PEAK1: variants seen among roughly 807,000 people sequenced by gnomAD.
PEAK1 encodes the protein inactive tyrosine-protein kinase PEAK1.
In PEAK1, 54 loss-of-function variants were observed where a neutral mutation model predicts 124.7. That is an observed-to-expected ratio of 0.43 (90% CI 0.35 to 0.54). The LOEUF (loss-of-function observed/expected upper bound fraction) is 0.54. PEAK1 is among the 20% of genes least tolerant of loss of function. The pLI is 0.01. For synonymous variants in PEAK1, 719 were observed against 760.0 expected, an observed-to-expected ratio of 0.95 and a Z score of 0.89; for missense variants, 2,046 against 2,134.5, an observed-to-expected ratio of 0.96 and a Z score of 0.82.
rs768139781 is a variant in PEAK1 at position 77,115,022 on chromosome 15, C to T, written c.4375G>A (p.Val1459Ile). The part of the protein sequence containing the change: ...GVMSKKQRSH[V>I]VVITREVPCL... ...GGAACCTCCCTGGTGATGACCACAA[C>T]GTGGCTCCTCTGCTTCTTGCTCATG... The change falls in exon 10 of 10, where the codon GTT becomes ATT. Residue 1459 changes from valine (V) to isoleucine (I), a missense_variant. Coordinates refer to ENST00000682557, the MANE Select transcript of PEAK1 (RefSeq NM_001385026.1). 4.3e-6 allele frequency: 7 copies of T among 1,614,152 alleles called. No individual in the cohort carries two copies. Among genetic ancestry groups the T allele is most frequent in the East Asian group, 4.5e-5 (2 of 44,858 alleles).
intron 2 of PEAK1, chr15:77,335,570 C>T (rs985592102): frequency 1.1e-6 from 1 of 899,510 alleles, no homozygotes. Flanking sequence ...GCCATGAAGT[C>T]TGGGCTTAAG....
chr15:77,275,180 G>A (rs2062244794), intron 5 of PEAK1, among the ~76,000 whole-genome samples: 2 of 152,132 alleles, frequency 1.3e-5, no homozygotes, highest in East Asian at 1.9e-4. Flanking sequence ...ATAAGAGGGA[G>A]GTGAGGGATA....
intron 1 of PEAK1, chr15:77,418,349 T>C: frequency 1.0e-6 from 1 of 985,320 alleles, no homozygotes; most frequent in African/African-American, 1.7e-5. Flanking sequence ...TTTGACATTT[T>C]TTCCCACATA....
intron 1 of PEAK1, among the ~76,000 whole-genome samples, chr15:77,388,934 T>G (rs956454052): frequency 6.6e-6 from 1 of 152,036 alleles, no homozygotes; most frequent in Admixed American, 6.6e-5. Context: ...CATACCTTCT[T>G]TCTGCCTGTC....
At chr15:77,167,462 A>G (rs1460205093) in intron 7 of PEAK1, among the ~76,000 whole-genome samples, 1 of 152,242 alleles carries the variant, frequency 6.6e-6, no homozygotes, top group Non-Finnish European at 1.5e-5. Flanking sequence ...GATTATTTAA[A>G]AATTTAACAG....
intron 1 of PEAK1, among the ~76,000 whole-genome samples, chr15:77,397,996 C>A (rs950103712): frequency 6.6e-6 from 1 of 152,064 alleles, no homozygotes; most frequent in African/African-American, 2.4e-5. Context: ...ACCCAGGAGG[C>A]GGAGGTTGCG....
At chr15:77,350,610 TAA>T (rs35739571) in intron 2 of PEAK1, 3,923 of 872,022 alleles carry the variant, frequency 4.5e-3, no homozygotes, top group Non-Finnish European at 4.8e-3. Flanking sequence ...GAGATTCAAG[TAA>T]AAAAAAAAAA....
At chr15:77,167,953 G>A (rs539744328) in intron 7 of PEAK1, among the ~76,000 whole-genome samples, 2 of 151,836 alleles carry the variant, frequency 1.3e-5, no homozygotes, top group Middle Eastern at 3.4e-3. Context: ...TGTTCTCATT[G>A]TTCAATTCCC....
intron 6 of PEAK1, among the ~76,000 whole-genome samples, chr15:77,228,457 T>C (rs962814550): frequency 6.6e-6 from 1 of 152,154 alleles, no homozygotes; most frequent in Non-Finnish European, 1.5e-5. Context: ...CTTCATTTAA[T>C]AAAGTTTGAC....
intron 1 of PEAK1, chr15:77,417,652 A>C: frequency 1.0e-6 from 1 of 985,434 alleles, no homozygotes. Flanking sequence ...CCCATCCAAC[A>C]AAAGGGTATG....
At chr15:77,208,538 C>T (rs1013701971) in intron 6 of PEAK1, among the ~76,000 whole-genome samples, 5 of 152,072 alleles carry the variant, frequency 3.3e-5, no homozygotes, top group African/African-American at 7.2e-5. Flanking sequence ...CCTCTTAGGG[C>T]GAATATTATG....
chr15:77,350,308 A>C (rs2067130464), intron 2 of PEAK1: 1 of 985,330 alleles, frequency 1.0e-6, no homozygotes. Context: ...TTGGGTGGGA[A>C]TCCAGCACTC....
In PEAK1 at chr15:77,114,443, C is replaced by G; in HGVS notation, c.4954G>C (p.Glu1652Gln). Residue 1652 changes from glutamate to glutamine, a missense_variant, in exon 10 of 10, where the codon GAG (glutamate) becomes CAG (glutamine). Coordinates refer to ENST00000682557, the MANE Select transcript of PEAK1 (RefSeq NM_001385026.1). ...TTGGCGTCTGAAATGAGGATCCGCTCAGAAGGGTTGGGATTCAGGAGGCAG... is the reference window on the plus strand; with the variant it reads ...TTGGCGTCTGAAATGAGGATCCGCTGAGAAGGGTTGGGATTCAGGAGGCAG... ...ASCLLNPNPS[E>Q]RILISDAKGI... The G allele has an allele frequency of 6.2e-7, 1 of 1,614,026 alleles. No individual in the cohort carries two copies. Among genetic ancestry groups the G allele is most frequent in the Non-Finnish European group, 8.5e-7 (1 of 1,180,008 alleles).
At chr15:77,417,151 A>C in intron 1 of PEAK1, 1 of 175,448 alleles carries the variant, frequency 5.7e-6, no homozygotes, top group Non-Finnish European at 1.1e-5. Flanking sequence ...ATCCATAGGA[A>C]TGTGTGCATG....
chr15:77,363,788 T>C (rs939169343), intron 2 of PEAK1, among the ~76,000 whole-genome samples: 2 of 152,100 alleles, frequency 1.3e-5, no homozygotes, highest in African/African-American at 4.8e-5. Flanking sequence ...AAGAAATTAG[T>C]CACAGAAGAC....
chr15:77,383,449 G>A lies in PEAK1; in HGVS notation c.-665-18224C>T, dbSNP rs537640584. On this transcript the variant is annotated intron_variant, in intron 1 of 9. Transcript: ENST00000682557. ...TCCACGTTCCTTTTTGATCTTTTTA[G>A]GTAGGATAACTGTTAAAGGATACAT... 1.2e-4 allele frequency among the ~76,000 whole-genome samples: 19 copies of A among 152,252 alleles called. 1 individual carries two copies. The highest frequency in any genetic ancestry group is 4.3e-4 in the African/African-American group (18 of 41,536).
intron 7 of PEAK1, among the ~76,000 whole-genome samples, chr15:77,162,883 G>C (rs993586511): frequency 6.6e-6 from 1 of 152,132 alleles, no homozygotes; most frequent in Non-Finnish European, 1.5e-5. Context: ...ATGTTAGCAC[G>C]TCTTAAAATG....
chr15:77,145,214 C>T (rs551123642), intron 8 of PEAK1, among the ~76,000 whole-genome samples: 9 of 152,130 alleles, frequency 5.9e-5, no homozygotes, highest in African/African-American at 1.4e-4. Flanking sequence ...TTCGGGAGGC[C>T]GAGGTGGGTG....
intron 9 of PEAK1, among the ~76,000 whole-genome samples, chr15:77,122,917 G>A (rs1003546878): frequency 6.6e-6 from 1 of 152,134 alleles, no homozygotes; most frequent in African/African-American, 2.4e-5. Flanking sequence ...TTCCTGTAAT[G>A]CTTTTTCATT....
Sources: allele counts gnomAD v4.1 joint callset (sites outside exome capture counted in the v4.1 genomes callset), GRCh38; gene constraint gnomAD v4.1.1; transcripts MANE v1.5; gene names NCBI Gene and HGNC (gene_info 2026-07-23, HGNC 2026-07-21).